R3HCC1L: variants seen among roughly 807,000 people sequenced by gnomAD.
R3HCC1L encodes coiled-coil domain-containing protein R3HCC1L.
R3HCC1L carries 51 observed loss-of-function variants against 59.9 expected under a neutral mutation model. That is an observed-to-expected ratio of 0.85 (90% CI 0.68 to 1.07). R3HCC1L has a LOEUF of 1.07. R3HCC1L is among the 50% of genes least tolerant of loss of function. R3HCC1L has a pLI of 0.00. For missense variants in R3HCC1L, 965 were observed against 933.0 expected (o/e 1.03, Z -0.45); for synonymous variants, 322 against 315.2 (o/e 1.02, Z -0.23).
intron 5 of R3HCC1L, among the ~76,000 whole-genome samples, chr10:98,227,952 G>C (rs1409259572): frequency 1.3e-5 from 2 of 152,084 alleles, no homozygotes; most frequent in Non-Finnish European, 2.9e-5. Context: ...TGGTGTATAT[G>C]TGCCACATTT....
At chr10:98,169,338 G>A (rs1848281959) in intron 4 of R3HCC1L, among the ~76,000 whole-genome samples, 1 of 152,214 alleles carries the variant, frequency 6.6e-6, no homozygotes, top group African/African-American at 2.4e-5. Context: ...CTTAGAAGTT[G>A]TGTGATCTTT....
At chr10:98,162,633 T>C (rs1192518729) in intron 2 of R3HCC1L, among the ~76,000 whole-genome samples, 1 of 152,124 alleles carries the variant, frequency 6.6e-6, no homozygotes, top group Non-Finnish European at 1.5e-5. Context: ...AAAACTGTAG[T>C]GATGACTAGA....
intron 4 of R3HCC1L, among the ~76,000 whole-genome samples, chr10:98,203,150 T>C (rs1463799912): frequency 6.6e-6 from 1 of 152,190 alleles, no homozygotes; most frequent in Non-Finnish European, 1.5e-5. Flanking sequence ...AGAATATCCC[T>C]ATTTATAGGA....
At chr10:98,158,510 TTTC>T (rs1368638444) in intron 2 of R3HCC1L, among the ~76,000 whole-genome samples, 1 of 152,234 alleles carries the variant, frequency 6.6e-6, no homozygotes, top group Non-Finnish European at 1.5e-5. Flanking sequence ...CTGCATTCCC[TTTC>T]TTATTTCTCT....
At position 98,216,474 on chromosome 10, in the gene R3HCC1L, C is replaced by T. The variant is rs549999653; in HGVS notation, c.1785+6575C>T. ...CGCTGCAGTGAGCCAAGTCATATCC[C>T]TGCACTTCAGCCTGGGCAACAGAAT... On this transcript the variant is annotated intron_variant, in intron 5 of 9. Transcript: ENST00000298999. 4.6e-5 allele frequency among the ~76,000 whole-genome samples: 7 copies of T among 152,310 alleles called. No homozygotes were observed. In the South Asian group the frequency reaches 1.2e-3, roughly 27 times the overall value.
intron 9 of R3HCC1L, 111 bp downstream of exon 9, chr10:98,236,275 A>C: frequency 7.3e-7 from 1 of 1,372,500 alleles, no homozygotes; most frequent in Non-Finnish European, 9.9e-7. Flanking sequence ...TCTGTTTCCT[A>C]GAAGCCTCCT....
At position 98,208,943 on chromosome 10, in the gene R3HCC1L, T is replaced by C. The variant is rs752346849; in HGVS notation, c.829T>C (p.Phe277Leu). ...TGTTCCTGGAAGTCCAGATGGTGTC[T>C]TTGATCAAACTTGCGTAGATTTTGA... ...TSVPGSPDGV[F>L]DQTCVDFEVE... Residue 277 changes from phenylalanine to leucine, a missense_variant, in exon 5 of 10, where the codon TTT (phenylalanine) becomes CTT (leucine). Phe to Leu is a conservative substitution (Grantham distance 22). Coordinates refer to ENST00000298999, the MANE Select transcript of R3HCC1L (RefSeq NM_001351015.2). 1.2e-6 allele frequency: 2 copies of C among 1,614,084 alleles called. No homozygotes were observed. The highest frequency in any genetic ancestry group is 3.3e-5 in the Admixed American group (2 of 60,020).
intron 1 of R3HCC1L, among the ~76,000 whole-genome samples, chr10:98,141,816 G>A (rs1412982314): frequency 6.6e-6 from 1 of 152,160 alleles, no homozygotes; most frequent in Non-Finnish European, 1.5e-5. Flanking sequence ...TACTTTTTGT[G>A]ACCAAGCCTT....
chr10:98,179,628 G>A (rs900986205), intron 4 of R3HCC1L, among the ~76,000 whole-genome samples: 17 of 152,094 alleles, frequency 1.1e-4, no homozygotes, highest in African/African-American at 2.4e-4. Context: ...GAATAGTGTC[G>A]GAAGGAATGG....
At chr10:98,142,630 T>G (rs1012042807) in intron 1 of R3HCC1L, among the ~76,000 whole-genome samples, 9 of 149,212 alleles carry the variant, frequency 6.0e-5, no homozygotes, top group African/African-American at 2.2e-4. Flanking sequence ...AGAGTGAGAC[T>G]CTGTCTCAAA....
chr10:98,178,739 T>G (rs1284536210), intron 4 of R3HCC1L, among the ~76,000 whole-genome samples: 1 of 152,220 alleles, frequency 6.6e-6, no homozygotes, highest in Non-Finnish European at 1.5e-5. Flanking sequence ...TTTATTTCAT[T>G]GAGCACTGGT....
At chr10:98,210,343 A>G (rs1351406109) in intron 5 of R3HCC1L, among the ~76,000 whole-genome samples, 2 of 152,198 alleles carry the variant, frequency 1.3e-5, no homozygotes, top group Admixed American at 1.3e-4. Context: ...GGTAAAATAC[A>G]AGAAAGTATC....
At chr10:98,206,662 C>T (rs1001550622) in intron 4 of R3HCC1L, among the ~76,000 whole-genome samples, 1 of 151,498 alleles carries the variant, frequency 6.6e-6, no homozygotes, top group Non-Finnish European at 1.5e-5. Context: ...CTAAGTAATC[C>T]CCATTTCATC....
At chr10:98,190,252 G>A (rs1297859753) in intron 4 of R3HCC1L, among the ~76,000 whole-genome samples, 1 of 152,154 alleles carries the variant, frequency 6.6e-6, no homozygotes, top group African/African-American at 2.4e-5. Context: ...TGGATATGGA[G>A]GGCCAGTTGT....
At chr10:98,147,491 A>G (rs576011207) in intron 1 of R3HCC1L, among the ~76,000 whole-genome samples, 3 of 152,302 alleles carry the variant, frequency 2.0e-5, no homozygotes, top group Admixed American at 6.5e-5. Context: ...GCCTAGATCA[A>G]TGTCCTGGAG....
At chr10:98,194,674 C>A (rs573488429) in intron 4 of R3HCC1L, among the ~76,000 whole-genome samples, 2 of 152,196 alleles carry the variant, frequency 1.3e-5, no homozygotes, top group South Asian at 4.2e-4. Flanking sequence ...ATAAAGATTT[C>A]TCCCAAGAAG....
chr10:98,234,592 T>C (rs755418544), intron 7 of R3HCC1L, 76 bp downstream of exon 7: 4 of 1,453,610 alleles, frequency 2.8e-6, no homozygotes, highest in African/African-American at 1.4e-5. Flanking sequence ...TTCCCTTCTA[T>C]TTGAGCAAGT....
At chr10:98,241,953 C>T (rs2135776940) in intron 9 of R3HCC1L, among the ~76,000 whole-genome samples, 1 of 152,300 alleles carries the variant, frequency 6.6e-6, no homozygotes. Flanking sequence ...CTCACATTTT[C>T]ACTATTTCTT....
intron 2 of R3HCC1L, among the ~76,000 whole-genome samples, chr10:98,159,614 C>G (rs184670420): frequency 2.6e-5 from 4 of 152,236 alleles, no homozygotes; most frequent in Admixed American, 2.6e-4. Context: ...CATAATGGTC[C>G]TTAATTGGTG....
Sources: gnomAD v4.1 joint callset for allele counts (sites outside exome capture counted in the v4.1 genomes callset) on GRCh38, gnomAD v4.1.1 for gene constraint, MANE v1.5 for transcripts, NCBI Gene and HGNC (gene_info 2026-07-23, HGNC 2026-07-21) for gene names.